SNX29: variants seen among roughly 807,000 people sequenced by gnomAD.
SNX29 encodes the protein sorting nexin-29.
A neutral mutation model predicts 102.1 loss-of-function variants in SNX29; 78 were observed. That is an observed-to-expected ratio of 0.76 (90% CI 0.64 to 0.92). The LOEUF is 0.92. Among genes scored for constraint, SNX29 ranks in the 40% least tolerant of loss-of-function variants. The pLI is 0.00. For missense variants in SNX29, 1,280 were observed against 1,061.7 expected (o/e 1.21, Z -2.86); for synonymous variants, 580 against 414.5 (o/e 1.40, Z -4.85).
At chr16:12,155,007 G>A (rs951532794) in intron 13 of SNX29, among the ~76,000 whole-genome samples, 1 of 152,164 alleles carries the variant, frequency 6.6e-6, no homozygotes, top group South Asian at 2.1e-4. Context: ...AAGCATTTAG[G>A]CATGAAGAAT....
intron 20 of SNX29, among the ~76,000 whole-genome samples, chr16:12,567,303 G>C (rs1240408594): frequency 1.3e-5 from 2 of 150,806 alleles, no homozygotes; most frequent in Non-Finnish European, 2.9e-5. Context: ...GCAAGCCACA[G>C]CAGCACAGAG....
chr16:12,239,452 G>C (rs1332576436), intron 14 of SNX29, among the ~76,000 whole-genome samples: 2 of 151,888 alleles, frequency 1.3e-5, no homozygotes, highest in Non-Finnish European at 2.9e-5. Flanking sequence ...GTCTCCCAAA[G>C]CACCTGGCTC....
intron 15 of SNX29, among the ~76,000 whole-genome samples, chr16:12,341,131 A>G (rs1216053008): frequency 6.6e-6 from 1 of 152,254 alleles, no homozygotes; most frequent in African/African-American, 2.4e-5. Context: ...TTGGAGCCCA[A>G]GGAGAGATTT....
At chr16:12,540,174 G>C (rs1050467589) in intron 20 of SNX29, among the ~76,000 whole-genome samples, 1 of 152,088 alleles carries the variant, frequency 6.6e-6, no homozygotes, top group Non-Finnish European at 1.5e-5. Context: ...GATTCATTTT[G>C]AGTGGACTTT....
intron 14 of SNX29, among the ~76,000 whole-genome samples, chr16:12,248,315 C>T (rs900282565): frequency 2.0e-5 from 3 of 152,150 alleles, no homozygotes; most frequent in African/African-American, 7.2e-5. Context: ...TGGTCCCTTG[C>T]TCTTGCTTCC....
rs1300401619 is a variant in SNX29, at chr16:12,573,380, C to CT, written c.*4753dup. 4.5e-6 allele frequency: 1 copy of CT among 224,448 alleles called. No individual in the cohort carries two copies. The highest frequency in any genetic ancestry group is 5.7e-5 in the Admixed American group (1 of 17,450). The allele number at this position is 224,448 out of a possible 1,614,324, so 13.9% of individuals were successfully genotyped here. A position where few individuals can be genotyped will look rare whatever the true frequency, so the allele number is the denominator to read the frequency against. On this transcript the variant is annotated 3_prime_UTR_variant, in exon 21 of 21. Coordinates refer to ENST00000566228, the MANE Select transcript of SNX29 (RefSeq NM_032167.5). ...AATCCCAGCAACCAAGTTGCGTATC[C>CT]TTCCTTATAGCTAGTTTCTATAGAG...
At chr16:12,124,000 A>G (rs1205067840) in intron 11 of SNX29, among the ~76,000 whole-genome samples, 2 of 152,178 alleles carry the variant, frequency 1.3e-5, no homozygotes, top group African/African-American at 4.8e-5. Context: ...GGATGATATC[A>G]TTTGCTGGGA....
chr16:12,002,767 A>C (rs1430811450), intron 2 of SNX29, among the ~76,000 whole-genome samples: 1 of 152,186 alleles, frequency 6.6e-6, no homozygotes, highest in East Asian at 1.9e-4. Context: ...GCTTCTGTAC[A>C]AGTGGGAGAT....
At chr16:12,554,846 C>A (rs1041319294) in intron 20 of SNX29, among the ~76,000 whole-genome samples, 1 of 152,134 alleles carries the variant, frequency 6.6e-6, no homozygotes, top group African/African-American at 2.4e-5. Context: ...TCCGTAGGTG[C>A]CAGGGTGCTC....
At chr16:12,503,595 G>A (rs1255428401) in intron 19 of SNX29, among the ~76,000 whole-genome samples, 1 of 152,226 alleles carries the variant, frequency 6.6e-6, no homozygotes, top group Non-Finnish European at 1.5e-5. Flanking sequence ...TTCTGTGATT[G>A]AAAAGAGCAG....
chr16:12,438,802 G>A (rs1288665623), intron 18 of SNX29, among the ~76,000 whole-genome samples: 1 of 152,354 alleles, frequency 6.6e-6, no homozygotes, highest in Non-Finnish European at 1.5e-5. Flanking sequence ...CTAACCAGGT[G>A]TAGGGGTGGA....
Position 12,180,656 on chromosome 16 carries a change from T to A in SNX29, c.1596-18945T>A, listed in dbSNP as rs192418725. 3.5e-4 allele frequency among the ~76,000 whole-genome samples: 53 copies of A among 152,244 alleles called. No individual in the cohort carries two copies. The East Asian group carries it at 4.1e-3, about 12-fold the overall frequency. On this transcript the variant is annotated intron_variant, in intron 13 of 20. Coordinates refer to ENST00000566228, the MANE Select transcript of SNX29 (RefSeq NM_032167.5). ...CCGCCACCACGTCCGGCTAATTTTT[T>A]AAATATTTTTAGTAGAGACGGGGTT... is the stretch of plus-strand genomic sequence containing the variant.
chr16:12,403,456 G>C lies in SNX29; in HGVS notation c.1964G>C (p.Arg655Pro), dbSNP rs765956667. 1.2e-6 allele frequency: 2 copies of C among 1,607,030 alleles called. No homozygotes were observed. Among genetic ancestry groups the C allele is most frequent in the East Asian group, 2.2e-5 (1 of 44,690 alleles). Reference protein sequence around the residue: ...QSLSDFEISNRALINVWIPSV... With the variant: ...QSLSDFEISNPALINVWIPSV... ...CTCTTCCTTTTGGTTAGATCAAACC[G>C]GGCGCTGATCAACGTCTGGATCCCC... Residue 655 changes from arginine to proline, a missense_variant, in exon 18 of 21, where the codon CGG becomes CCG. By Grantham distance (103) the Arg-to-Pro change is moderately radical. Coordinates refer to ENST00000566228, the MANE Select transcript of SNX29 (RefSeq NM_032167.5).
intron 18 of SNX29, among the ~76,000 whole-genome samples, chr16:12,474,540 G>C (rs1352416270): frequency 6.6e-6 from 1 of 152,166 alleles, no homozygotes; most frequent in Non-Finnish European, 1.5e-5. Context: ...GAGGGAGACT[G>C]AGGCCTCCAG....
chr16:12,571,650 C>G lies in SNX29; in HGVS notation c.*3021C>G, dbSNP rs767798800. The G allele has an allele frequency of 1.9e-6, 2 of 1,059,230 alleles. No homozygotes were observed. The highest frequency in any genetic ancestry group is 5.2e-5 in the East Asian group (1 of 19,372). The allele number at this position is 1,059,230 out of a possible 1,614,324, so 65.6% of individuals were successfully genotyped here. A position where few individuals can be genotyped will look rare whatever the true frequency, so the allele number is the denominator to read the frequency against. On this transcript the variant is annotated 3_prime_UTR_variant, in exon 21 of 21. Coordinates refer to ENST00000566228, the MANE Select transcript of SNX29 (RefSeq NM_032167.5). The stretch of plus-strand genomic sequence containing the variant: ...TTTTTCTCCCCCAGATGAAAGACGA[C>G]TCAGGAACGGTAGGGCTGGGCAGAG...
At chr16:12,258,944 A>G (rs1415858505) in intron 14 of SNX29, among the ~76,000 whole-genome samples, 2 of 152,002 alleles carry the variant, frequency 1.3e-5, no homozygotes, top group African/African-American at 4.8e-5. Context: ...CTCTCTCACT[A>G]TGATAGCCTG....
At chr16:12,036,442 C>T (rs1446367470) in intron 4 of SNX29, among the ~76,000 whole-genome samples, 6 of 148,770 alleles carry the variant, frequency 4.0e-5, no homozygotes, top group South Asian at 2.1e-4. Flanking sequence ...TCACGCCATT[C>T]TTCTGCCTCT....
chr16:12,484,482 G>A (rs1420777656), intron 19 of SNX29, among the ~76,000 whole-genome samples: 2 of 152,122 alleles, frequency 1.3e-5, no homozygotes, highest in Non-Finnish European at 2.9e-5. Context: ...AGACCCTCCA[G>A]TGACACCCCT....
chr16:12,085,937 C>G (rs2052151403), intron 11 of SNX29, among the ~76,000 whole-genome samples: 1 of 151,714 alleles, frequency 6.6e-6, no homozygotes, highest in South Asian at 2.1e-4. Context: ...GACATGGTGT[C>G]TAGCTATAGT....
Sources: allele counts gnomAD v4.1 joint callset (sites outside exome capture counted in the v4.1 genomes callset), GRCh38; gene constraint gnomAD v4.1.1; transcripts MANE v1.5; gene names NCBI Gene and HGNC (gene_info 2026-07-23, HGNC 2026-07-21).